SEMA5B: variants seen among roughly 807,000 people sequenced by gnomAD.
SEMA5B encodes semaphorin 5B, also known as semaphorin-5B.
Under a neutral mutation model 135.0 loss-of-function variants are expected in SEMA5B, and 66 were observed. The ratio of observed to expected loss-of-function variants is 0.49; its 90% confidence interval spans 0.40 to 0.60. SEMA5B has a LOEUF of 0.60. Ranked by LOEUF, SEMA5B falls within the 20% of genes least tolerant of loss-of-function variation. The probability of loss-of-function intolerance (pLI) is 0.00; values close to 1 mark genes in which losing one functional copy is unlikely to be tolerated. For missense variants in SEMA5B, 1,501 were observed against 1,566.3 expected, an observed-to-expected ratio of 0.96 and a Z score of 0.70; for synonymous variants, 690 against 639.5, an observed-to-expected ratio of 1.08 and a Z score of -1.19.
At chr3:122,972,642 C>T (rs1481205898) in intron 1 of SEMA5B, among the ~76,000 whole-genome samples, 1 of 152,188 alleles carries the variant, frequency 6.6e-6, no homozygotes, top group Non-Finnish European at 1.5e-5. Flanking sequence ...CCACCTGAGT[C>T]GGTAAGAGCT....
intron 5 of SEMA5B, among the ~76,000 whole-genome samples, chr3:122,933,258 G>C (rs1939075593): frequency 2.6e-5 from 4 of 151,820 alleles, no homozygotes; most frequent in Admixed American, 1.3e-4. Flanking sequence ...TATCTTCCTA[G>C]GAAAAGGAAC....
chr3:122,939,575 G>T, intron 4 of SEMA5B, 105 bp from the exon 5 acceptor site: 1 of 818,300 alleles, frequency 1.2e-6, no homozygotes, highest in Non-Finnish European at 2.1e-6. Flanking sequence ...ACTGGGTGCT[G>T]ATTGCCTAGG....
chr3:123,017,275 C>T (rs1394716835), intron 1 of SEMA5B, among the ~76,000 whole-genome samples: 1 of 151,864 alleles, frequency 6.6e-6, no homozygotes, highest in Non-Finnish European at 1.5e-5. Context: ...ACTGTACTTT[C>T]TAGGATTATT....
At chr3:122,955,491 G>A (rs1231934593) in intron 2 of SEMA5B, among the ~76,000 whole-genome samples, 1 of 152,244 alleles carries the variant, frequency 6.6e-6, no homozygotes, top group South Asian at 2.1e-4. Context: ...ATACAGTTTG[G>A]TTTCTCATAC....
intron 1 of SEMA5B, among the ~76,000 whole-genome samples, chr3:122,997,823 C>T (rs996126912): frequency 6.6e-6 from 1 of 152,154 alleles, no homozygotes; most frequent in Non-Finnish European, 1.5e-5. Flanking sequence ...ACCCTCAGGC[C>T]AGGAGACCCT....
Position 122,975,844 on chromosome 3 carries a change from A to G in SEMA5B, c.-38-14543T>C, listed in dbSNP as rs1170148982. ...TGCTTAAAACCCCCACCAGCTCCCCACTGCCTACACAACCAAATCCAAACA... is the reference window on the plus strand; with the variant it reads ...TGCTTAAAACCCCCACCAGCTCCCCGCTGCCTACACAACCAAATCCAAACA... On this transcript the variant is annotated intron_variant, in intron 1 of 22. Transcript: ENST00000357599. Among the ~76,000 whole-genome samples the G allele has an allele frequency of 2.0e-5, 3 of 151,748 alleles. No homozygotes were observed. In the South Asian group the frequency reaches 6.3e-4, roughly 32 times the overall value.
chr3:122,955,226 A>G (rs990412629), intron 2 of SEMA5B, among the ~76,000 whole-genome samples: 8 of 151,606 alleles, frequency 5.3e-5, no homozygotes, highest in African/African-American at 1.9e-4. Flanking sequence ...TGTTCTGTCT[A>G]CCTCCAGACT....
intron 5 of SEMA5B, among the ~76,000 whole-genome samples, chr3:122,929,625 C>G (rs1014066100): frequency 1.3e-5 from 2 of 151,390 alleles, no homozygotes; most frequent in African/African-American, 4.9e-5. Context: ...GGACTGGAAC[C>G]CACATTTCTG....
rs1196830855 is a variant in SEMA5B at position 122,911,937 on chromosome 3, G to C, written c.3029C>G (p.Pro1010Arg). 1 of 1,603,606 alleles carries C rather than the reference G, an allele frequency of 6.2e-7. No homozygotes were observed. The highest frequency in any genetic ancestry group is 8.5e-7 in the Non-Finnish European group (1 of 1,172,498). ...GTACCTACCGGGAATCTCGCTGTAG[G>C]GGCAGGGGCGGCTCTGGCTGCTGTT... ...AGNSSQSRPC[P>R]YSEIPVILPA... is the part of the protein sequence containing the mutation. The change falls in exon 20 of 23, where the codon CCC (proline) becomes CGC (arginine). Residue 1010 changes from proline to arginine, a missense_variant. Around this residue, in one of 2 missense-constraint regions of SEMA5B, gnomAD observed 927 missense variants for 881.6 expected, o/e 1.05. Transcript: ENST00000357599.
intron 1 of SEMA5B, among the ~76,000 whole-genome samples, chr3:122,984,126 C>A (rs1941622364): frequency 6.6e-6 from 1 of 152,344 alleles, no homozygotes; most frequent in Middle Eastern, 3.4e-3. Flanking sequence ...CTCCGAGTAA[C>A]CTTCCTTCTT....
intron 14 of SEMA5B, among the ~76,000 whole-genome samples, chr3:122,914,712 A>G (rs78916819): frequency 0.076 from 11,606 of 152,198 alleles, 496 homozygotes; most frequent in Middle Eastern, 0.15. Flanking sequence ...GGTGGGAGGA[A>G]CACTTGAAGC....
intron 2 of SEMA5B, among the ~76,000 whole-genome samples, chr3:122,957,153 G>T (rs533542489): frequency 6.6e-6 from 1 of 152,350 alleles, no homozygotes; most frequent in African/African-American, 2.4e-5. Flanking sequence ...TGCTGAAGAG[G>T]AGGATTTGTG....
At chr3:122,910,704 G>A in intron 22 of SEMA5B, 136 bp downstream of exon 22, 1 of 671,408 alleles carries the variant, frequency 1.5e-6, no homozygotes, top group Non-Finnish European at 2.4e-6. Context: ...CAGCTACTTG[G>A]GAGGCTGAGG....
At chr3:122,924,971 G>A (rs1286265465) in intron 9 of SEMA5B, among the ~76,000 whole-genome samples, 3 of 152,108 alleles carry the variant, frequency 2.0e-5, no homozygotes, top group African/African-American at 4.8e-5. Context: ...CTTTTGTGAC[G>A]CCGCACCCCT....
intron 1 of SEMA5B, among the ~76,000 whole-genome samples, chr3:122,971,186 G>C (rs940015376): frequency 2.0e-5 from 3 of 152,238 alleles, no homozygotes; most frequent in African/African-American, 7.2e-5. Context: ...ATACATCAGA[G>C]CAGGATGGGA....
chr3:122,973,813 G>A (rs1013235618), intron 1 of SEMA5B, among the ~76,000 whole-genome samples: 1 of 152,274 alleles, frequency 6.6e-6, no homozygotes, highest in African/African-American at 2.4e-5. Context: ...TGGGAGTGGG[G>A]AAGGGCAGAG....
chr3:123,004,595 G>C (rs1178699272), intron 1 of SEMA5B, among the ~76,000 whole-genome samples: 1 of 152,190 alleles, frequency 6.6e-6, no homozygotes, highest in African/African-American at 2.4e-5. Flanking sequence ...CCAATCTAAA[G>C]TGTGTTAGAA....
chr3:122,911,427 C>G, intron 21 of SEMA5B, 64 bp downstream of exon 21: 1 of 1,576,554 alleles, frequency 6.3e-7, no homozygotes. Flanking sequence ...AGAGTCCAGA[C>G]TTTGGAGTGG....
chr3:122,970,958 T>A (rs1941088464), intron 1 of SEMA5B, among the ~76,000 whole-genome samples: 1 of 152,230 alleles, frequency 6.6e-6, no homozygotes, highest in Non-Finnish European at 1.5e-5. Context: ...CAGGGGCATT[T>A]CACAGGAAGG....
Sources: allele counts gnomAD v4.1 joint callset (sites outside exome capture counted in the v4.1 genomes callset), GRCh38; gene constraint gnomAD v4.1.1; regional missense constraint gnomAD v4.1.1; transcripts MANE v1.5; gene names NCBI Gene and HGNC (gene_info 2026-07-23, HGNC 2026-07-21).